The following SPTLC1 variants were observed in gnomAD, a reference collection of about 807,000 sequenced individuals.
SPTLC1 encodes the protein serine palmitoyltransferase 1.
SPTLC1 carries 55 observed loss-of-function variants against 68.9 expected under a neutral mutation model. The observed-to-expected ratio is 0.80, with a 90% CI of 0.64 to 1.00. SPTLC1 has a LOEUF of 1.00. Among genes scored for constraint, SPTLC1 ranks in the 50% least tolerant of loss-of-function variants. The pLI, the probability that SPTLC1 is intolerant of heterozygous loss-of-function variation, is 0.00. For missense variants in SPTLC1, 449 were observed against 573.1 expected (o/e 0.78, Z 2.21); for synonymous variants, 197 against 201.6 (o/e 0.98, Z 0.19).
At position 92,079,595 on chromosome 9, in the gene SPTLC1, T is replaced by C. The variant is rs536289418; in HGVS notation, c.427+421A>G. ...GAAAGATAAAAAACTACACTGTTTA[T>C]CCCCCCTCCCTCCACCCCAGGCAAT... On this transcript the variant is annotated intron_variant, in intron 5 of 14. Transcript: ENST00000262554. 3.2e-6 allele frequency: 5 copies of C among 1,583,624 alleles called. No homozygotes were observed. In the South Asian group the frequency reaches 4.4e-5, roughly 14 times the overall value.
In SPTLC1 at chr9:92,042,083, T is replaced by C. The variant is rs551271097; in HGVS notation, c.1137-3718A>G. 1.2e-4 allele frequency among the ~76,000 whole-genome samples: 19 copies of C among 152,102 alleles called. No individual in the cohort carries two copies. In the South Asian group the frequency reaches 1.7e-3, roughly 13 times the overall value. On this transcript the variant is annotated intron_variant, in intron 12 of 14. Transcript: ENST00000262554. ...CCACTGCACTCCAGCCTGGGCAACA[T>C]AGCACAATCCTGTCTCTTAAAAAAA...
chr9:92,107,528 G>A (rs1331873775), intron 3 of SPTLC1, among the ~76,000 whole-genome samples: 3 of 152,192 alleles, frequency 2.0e-5, no homozygotes, highest in African/African-American at 2.4e-5. Context: ...CGAGGCCGGC[G>A]GATCACAAAG....
chr9:92,042,092 C>T (rs1162564797), intron 12 of SPTLC1, among the ~76,000 whole-genome samples: 1 of 152,032 alleles, frequency 6.6e-6, no homozygotes, highest in African/African-American at 2.4e-5. Flanking sequence ...ATAGCACAAT[C>T]CTGTCTCTTA....
intron 3 of SPTLC1, among the ~76,000 whole-genome samples, chr9:92,091,686 T>G (rs946555238): frequency 6.6e-6 from 1 of 152,200 alleles, no homozygotes; most frequent in Non-Finnish European, 1.5e-5. Context: ...TCACCTCATA[T>G]TTCAGCAGAT....
intron 3 of SPTLC1, among the ~76,000 whole-genome samples, chr9:92,085,119 G>T (rs561561047): frequency 6.6e-6 from 1 of 151,146 alleles, no homozygotes; most frequent in Non-Finnish European, 1.5e-5. Flanking sequence ...GCATCTATTT[G>T]ATTCTTCTCT....
At chr9:92,112,644 C>T (rs926472118) in intron 1 of SPTLC1, 82 bp from the exon 2 acceptor site, 6 of 848,432 alleles carry the variant, frequency 7.1e-6, no homozygotes, top group Admixed American at 1.9e-5. Flanking sequence ...CCTGCATATA[C>T]TGCCTCCTGT....
intron 3 of SPTLC1, among the ~76,000 whole-genome samples, chr9:92,102,562 G>C (rs1447671964): frequency 6.6e-6 from 1 of 152,134 alleles, no homozygotes; most frequent in Non-Finnish European, 1.5e-5. Flanking sequence ...TAGTATAGCA[G>C]GTTCGTGTGT....
At chr9:92,073,863 G>A (rs1005287251) in intron 5 of SPTLC1, among the ~76,000 whole-genome samples, 17 of 152,156 alleles carry the variant, frequency 1.1e-4, no homozygotes, top group African/African-American at 3.9e-4. Context: ...CGTACAAACC[G>A]CAGCGTTTAA....
chr9:92,092,091 T>C (rs780533492), intron 3 of SPTLC1, among the ~76,000 whole-genome samples: 1 of 152,206 alleles, frequency 6.6e-6, no homozygotes, highest in Non-Finnish European at 1.5e-5. Context: ...TTCATTTACA[T>C]ACCAGACAGA....
At chr9:92,053,104 T>C (rs1833764248) in intron 8 of SPTLC1, among the ~76,000 whole-genome samples, 1 of 148,932 alleles carries the variant, frequency 6.7e-6, no homozygotes, top group Non-Finnish European at 1.5e-5. Flanking sequence ...TCCAAAGGTA[T>C]ACGCATGGCC....
intron 3 of SPTLC1, among the ~76,000 whole-genome samples, chr9:92,095,956 C>T (rs968597716): frequency 6.6e-6 from 1 of 152,182 alleles, no homozygotes; most frequent in South Asian, 2.1e-4. Context: ...TCACTCCCCT[C>T]CTCCACCCTG....
rs566559633 is a variant in SPTLC1, at chr9:92,104,836, C to G, written c.260+3904G>C. The G allele has an allele frequency of 1.2e-4, 180 of 1,527,002 alleles. No homozygotes were observed. In the African/African-American group the frequency reaches 1.8e-3, roughly 15 times the overall value. The allele number at this position is 1,527,002 out of a possible 1,614,324, so 94.6% of individuals were successfully genotyped here. ...CCAGGCCCTTGGAGGGAAATGTCCA[C>G]CTCAAGAGCTTGACAGAAAACAACC... On this transcript the variant is annotated intron_variant, in intron 3 of 14. Coordinates refer to ENST00000262554, the MANE Select transcript of SPTLC1 (RefSeq NM_006415.4).
chr9:92,072,455 C>T lies in SPTLC1; in HGVS notation c.428-4357G>A, dbSNP rs1004804294. Reference sequence around the variant, plus strand: ...GCCAGGGATGCCAGCCTTGGCCATTCGCCAGCCACACAACCCGGGACCTCC... The same window carrying T: ...GCCAGGGATGCCAGCCTTGGCCATTTGCCAGCCACACAACCCGGGACCTCC... On this transcript the variant is annotated intron_variant, in intron 5 of 14. Coordinates refer to ENST00000262554, the MANE Select transcript of SPTLC1 (RefSeq NM_006415.4). 5.3e-5 allele frequency among the ~76,000 whole-genome samples: 8 copies of T among 152,244 alleles called. No homozygotes were observed. In the East Asian group the frequency reaches 1.2e-3, roughly 22 times the overall value.
chr9:92,034,010 G>A (rs1833058206), intron 14 of SPTLC1, among the ~76,000 whole-genome samples: 1 of 152,174 alleles, frequency 6.6e-6, no homozygotes, highest in Non-Finnish European at 1.5e-5. Context: ...CAGCTCTTCT[G>A]CGGCTTGCAC....
chr9:92,074,919 T>G (rs2118645149), intron 5 of SPTLC1, among the ~76,000 whole-genome samples: 1 of 152,178 alleles, frequency 6.6e-6, no homozygotes, highest in Admixed American at 6.5e-5. Context: ...CTTTTTGCCT[T>G]TACTTGGACT....
chr9:92,094,561 C>CT (rs1474168957), intron 3 of SPTLC1, among the ~76,000 whole-genome samples: 1 of 152,232 alleles, frequency 6.6e-6, no homozygotes. Flanking sequence ...CTTGGCATTT[C>CT]TTACCAGCAT....
intron 8 of SPTLC1, chr9:92,054,058 G>A (rs190659642): frequency 3.6e-6 from 2 of 560,090 alleles, no homozygotes; most frequent in East Asian, 2.9e-4. Context: ...AAGGAGGGTG[G>A]ATCACCTGAG....
intron 6 of SPTLC1, among the ~76,000 whole-genome samples, 176 bp downstream of exon 6, chr9:92,067,790 A>G (rs1834346443): frequency 6.6e-6 from 1 of 152,240 alleles, no homozygotes; most frequent in South Asian, 2.1e-4. Flanking sequence ...GACACCGTTA[A>G]GCATCTTTTA....
chr9:92,092,324 A>T (rs887633048), intron 3 of SPTLC1, among the ~76,000 whole-genome samples: 1 of 152,240 alleles, frequency 6.6e-6, no homozygotes, highest in Admixed American at 6.5e-5. Flanking sequence ...ATCACATAGC[A>T]ATAAATTATA....
Sources: gnomAD v4.1 joint callset for allele counts (sites outside exome capture counted in the v4.1 genomes callset) on GRCh38, gnomAD v4.1.1 for gene constraint, MANE v1.5 for transcripts, NCBI Gene and HGNC (gene_info 2026-07-23, HGNC 2026-07-21) for gene names.